FAM81A: variants seen among roughly 807,000 people sequenced by gnomAD.
FAM81A encodes protein FAM81A.
In FAM81A, 19 loss-of-function variants were observed where a neutral mutation model predicts 46.7. That is an observed-to-expected ratio of 0.41 (90% CI 0.28 to 0.60). The LOEUF (loss-of-function observed/expected upper bound fraction) is 0.60, where lower values mean the gene tolerates loss of function less well. FAM81A is among the 20% of genes least tolerant of loss of function. The pLI, the probability that FAM81A is intolerant of heterozygous loss-of-function variation, is 0.34. For synonymous variants in FAM81A, 183 were observed against 152.9 expected, an observed-to-expected ratio of 1.20 and a Z score of -1.45; for missense variants, 377 against 453.5, an observed-to-expected ratio of 0.83 and a Z score of 1.53.
At chr15:59,434,972 AGCTC>A (rs2081236768), upstream of FAM81A, among the ~76,000 whole-genome samples, 1 of 152,176 alleles carries the variant, frequency 6.6e-6, no homozygotes, top group Non-Finnish European at 1.5e-5. Flanking sequence ...GTAGAACCAG[AGCTC>A]AGCCGTGGAA....
chr15:59,448,054 C>T (rs536882194), intron 1 of FAM81A, among the ~76,000 whole-genome samples: 2 of 152,146 alleles, frequency 1.3e-5, no homozygotes, highest in African/African-American at 4.8e-5. Context: ...GTAATGGTGG[C>T]AGTGGTAGTG....
At chr15:59,452,564 T>G (rs2081431898) in intron 1 of FAM81A, among the ~76,000 whole-genome samples, 1 of 152,172 alleles carries the variant, frequency 6.6e-6, no homozygotes, top group Non-Finnish European at 1.5e-5. Flanking sequence ...GGAGGATTGC[T>G]TGAGCCTAGG....
At position 59,460,313 on chromosome 15, in the gene FAM81A, G is replaced by T; in HGVS notation, c.294+107G>T. 2.1e-6 allele frequency: 3 copies of T among 1,400,964 alleles called. No individual in the cohort carries two copies. Among genetic ancestry groups the T allele is most frequent in the South Asian group, 2.3e-5 (2 of 86,184 alleles). The allele number at this position is 1,400,964 out of a possible 1,614,324, so 86.8% of individuals were successfully genotyped here. The stretch of plus-strand genomic sequence containing the variant: ...TACCTCCCAGGCAGTACTGCATTTA[G>T]AACAAAGCTGTCTGTCTTGTCTATT... On this transcript the variant is annotated intron_variant, in intron 3 of 8. Transcript: ENST00000288228. This position sits in a 1 kb window ranked among gnomAD's most constrained non-coding sequence, Gnocchi z 4.4.
intron 7 of FAM81A, among the ~76,000 whole-genome samples, chr15:59,515,854 C>T (rs558755944): frequency 2.6e-5 from 4 of 152,152 alleles, no homozygotes; most frequent in South Asian, 2.1e-4. Context: ...TTTTTTATTT[C>T]GCATAATGGA....
chr15:59,485,431 T>A (rs1466883571), intron 3 of FAM81A, among the ~76,000 whole-genome samples: 1 of 152,182 alleles, frequency 6.6e-6, no homozygotes, highest in Non-Finnish European at 1.5e-5. Flanking sequence ...AAGACTTTGC[T>A]TGTTTGGGAG....
intron 1 of FAM81A, among the ~76,000 whole-genome samples, chr15:59,458,146 G>A (rs1476487790): frequency 1.3e-5 from 2 of 152,152 alleles, no homozygotes; most frequent in East Asian, 3.8e-4. Flanking sequence ...AGTTTTCTGA[G>A]ATCAAATTTA....
intron 4 of FAM81A, among the ~76,000 whole-genome samples, chr15:59,501,488 G>A (rs980742410): frequency 2.0e-5 from 3 of 151,922 alleles, no homozygotes; most frequent in Non-Finnish European, 4.4e-5. Flanking sequence ...TAATAATTAT[G>A]TATATATACA....
At position 59,516,683 on chromosome 15, in the gene FAM81A, G is replaced by C. The variant is rs2082270946; in HGVS notation, c.825G>C (p.Gln275His). ...SERDMEKKLS[Q>H]MSARLDKIEE... The stretch of plus-strand genomic sequence containing the variant: ...GGGATATGGAGAAGAAGCTCAGCCA[G>C]ATGTCAGCCAGGCTTGACAAAATAG... The change falls in exon 8 of 9, where the codon CAG becomes CAC. Residue 275 changes from glutamine to histidine, a missense_variant. Coordinates refer to ENST00000288228, the MANE Select transcript of FAM81A (RefSeq NM_152450.3). 1.2e-6 allele frequency: 2 copies of C among 1,613,466 alleles called. No individual in the cohort carries two copies. Among genetic ancestry groups the C allele is most frequent in the African/African-American group, 1.3e-5 (1 of 74,896 alleles).
chr15:59,454,755 A>T (rs2081461977), intron 1 of FAM81A, among the ~76,000 whole-genome samples: 2 of 151,882 alleles, frequency 1.3e-5, no homozygotes, highest in African/African-American at 4.8e-5. Flanking sequence ...CCTCCCGGGT[A>T]GCTGGGACTA....
intron 2 of FAM81A, among the ~76,000 whole-genome samples, chr15:59,409,589 A>G (rs2081111799): frequency 6.6e-6 from 1 of 152,144 alleles, no homozygotes; most frequent in Non-Finnish European, 1.5e-5. Flanking sequence ...ACTCACCGGG[A>G]CTGTCTTTTC....
intron 2 of FAM81A, among the ~76,000 whole-genome samples, chr15:59,429,892 T>C (rs2081212060): frequency 6.6e-6 from 1 of 152,198 alleles, no homozygotes. Context: ...GGTGCACTCC[T>C]GATGCTGAGA....
At chr15:59,451,076 C>T (rs1015512247) in intron 1 of FAM81A, among the ~76,000 whole-genome samples, 2 of 152,208 alleles carry the variant, frequency 1.3e-5, no homozygotes, top group Non-Finnish European at 1.5e-5. Context: ...ATGTTTTGAT[C>T]ATCATGTTTC....
At chr15:59,434,692 T>C (rs1316224885), upstream of FAM81A, among the ~76,000 whole-genome samples, 2 of 152,242 alleles carry the variant, frequency 1.3e-5, no homozygotes, top group Non-Finnish European at 1.5e-5. Flanking sequence ...TTTGGCACTC[T>C]ATTATTGAGA....
chr15:59,474,273 G>A (rs2081737746), intron 3 of FAM81A, among the ~76,000 whole-genome samples: 2 of 152,158 alleles, frequency 1.3e-5, no homozygotes, highest in African/African-American at 4.8e-5. Flanking sequence ...GTATATTTGT[G>A]TTGCTATAAC....
intron 8 of FAM81A, among the ~76,000 whole-genome samples, chr15:59,517,576 C>G (rs1297662286): frequency 6.6e-6 from 1 of 152,148 alleles, no homozygotes; most frequent in Admixed American, 6.5e-5. Flanking sequence ...AAATTCTCTC[C>G]TAGCTTCTTC....
At chr15:59,496,486 T>C (rs2082035266) in intron 4 of FAM81A, among the ~76,000 whole-genome samples, 1 of 152,034 alleles carries the variant, frequency 6.6e-6, no homozygotes, top group Non-Finnish European at 1.5e-5. Flanking sequence ...GCGCCTGTAG[T>C]CCCAGCTACT....
At chr15:59,463,286 A>G (rs993667853) in intron 3 of FAM81A, among the ~76,000 whole-genome samples, 42 of 152,260 alleles carry the variant, frequency 2.8e-4, no homozygotes, top group Middle Eastern at 3.4e-3. Context: ...AATCAATTGA[A>G]CATAAAATAT....
intron 3 of FAM81A, among the ~76,000 whole-genome samples, chr15:59,477,902 T>C (rs904145555): frequency 5.3e-5 from 8 of 152,250 alleles, no homozygotes. Flanking sequence ...ATGGAGAAGC[T>C]TATCAATTAT....
At chr15:59,456,690 A>C (rs574936683) in intron 1 of FAM81A, among the ~76,000 whole-genome samples, 18 of 152,180 alleles carry the variant, frequency 1.2e-4, no homozygotes, top group Middle Eastern at 3.4e-3. Context: ...GATCCTCCTG[A>C]GTAGCCTCCA....
Sources: allele counts gnomAD v4.1 joint callset (sites outside exome capture counted in the v4.1 genomes callset), GRCh38; gene constraint gnomAD v4.1.1; non-coding constraint Gnocchi (gnomAD v3.1); transcripts MANE v1.5; gene names NCBI Gene and HGNC (gene_info 2026-07-23, HGNC 2026-07-21).